FMNL2: variants seen among roughly 807,000 people sequenced by gnomAD.
FMNL2 encodes the protein formin-like protein 2.
A neutral mutation model predicts 130.2 loss-of-function variants in FMNL2; 51 were observed. The ratio of observed to expected loss-of-function variants is 0.39; its 90% CI spans 0.31 to 0.49. The LOEUF (loss-of-function observed/expected upper bound fraction) is 0.49, where lower values mean the gene tolerates loss of function less well. Among genes scored for constraint, FMNL2 ranks in the 20% least tolerant of loss-of-function variants. The pLI, the probability that FMNL2 is intolerant of heterozygous loss-of-function variation, is 0.85. For missense variants in FMNL2, 977 were observed against 1,316.2 expected (o/e 0.74, Z 3.99); for synonymous variants, 465 against 467.1 (o/e 1.00, Z 0.06).
intron 1 of FMNL2, among the ~76,000 whole-genome samples, chr2:152,386,519 T>TCAA (rs3047882): frequency 0.95 from 144,078 of 152,092 alleles, 68,405 homozygotes; most frequent in East Asian, 1. Context: ...ATTAACTCAT[T>TCAA]CAAACTCTAG....
intron 1 of FMNL2, among the ~76,000 whole-genome samples, chr2:152,431,108 A>G (rs980499822): frequency 1.3e-5 from 2 of 152,170 alleles, no homozygotes; most frequent in African/African-American, 4.8e-5. Flanking sequence ...GATCTTGAGA[A>G]TAATGGTTCT....
At chr2:152,388,407 G>A (rs73007096) in intron 1 of FMNL2, among the ~76,000 whole-genome samples, 3,998 of 152,136 alleles carry the variant, frequency 0.026, 187 homozygotes, top group African/African-American at 0.091. Context: ...TTCACGTGTC[G>A]GCAGCAAGGA....
intron 2 of FMNL2, among the ~76,000 whole-genome samples, chr2:152,527,502 G>A (rs1447118966): frequency 2.0e-5 from 3 of 152,080 alleles, no homozygotes; most frequent in Non-Finnish European, 4.4e-5. Flanking sequence ...CAGTAAACTA[G>A]TAACTAGAGC....
intron 1 of FMNL2, among the ~76,000 whole-genome samples, chr2:152,347,103 T>TAAA (rs397941066): frequency 1.3e-5 from 2 of 151,310 alleles, no homozygotes; most frequent in African/African-American, 4.9e-5. Flanking sequence ...AAAAAAAAAA[T>TAAA]TTTTTTTTCA....
At chr2:152,574,995 A>G (rs1696396114) in intron 6 of FMNL2, 141 bp from the exon 7 acceptor site, 2 of 563,652 alleles carry the variant, frequency 3.5e-6, no homozygotes, top group Admixed American at 6.1e-5. Context: ...GTTGAAATCA[A>G]TCTTACTGTT....
intron 9 of FMNL2, among the ~76,000 whole-genome samples, chr2:152,593,594 C>T (rs193210176): frequency 6.6e-6 from 1 of 152,152 alleles, no homozygotes; most frequent in Admixed American, 6.6e-5. Flanking sequence ...TAGGGTGATC[C>T]ACCGAATATG....
At chr2:152,566,638 G>T (rs1294616021) in intron 6 of FMNL2, among the ~76,000 whole-genome samples, 2 of 152,140 alleles carry the variant, frequency 1.3e-5, no homozygotes, top group Non-Finnish European at 2.9e-5. Flanking sequence ...AAGGGTTAAG[G>T]ATACAGAAAG....
At chr2:152,361,462 T>C (rs1211720472) in intron 1 of FMNL2, among the ~76,000 whole-genome samples, 1 of 152,190 alleles carries the variant, frequency 6.6e-6, no homozygotes, top group Admixed American at 6.5e-5. Context: ...TAATTATCCT[T>C]GTTTATTGTC....
intron 13 of FMNL2, 86 bp downstream of exon 13, chr2:152,617,278 T>C: frequency 8.3e-7 from 1 of 1,202,990 alleles, no homozygotes; most frequent in Non-Finnish European, 1.2e-6. Context: ...AGTACCTTCA[T>C]TTCAGAGGAA....
At chr2:152,640,957 G>A in intron 25 of FMNL2, 43 bp downstream of exon 25, 1 of 1,610,100 alleles carries the variant, frequency 6.2e-7, no homozygotes, top group Non-Finnish European at 8.5e-7. Flanking sequence ...GATCCCACTG[G>A]CCTCACCTAG....
chr2:152,396,137 C>A (rs1220547693), intron 1 of FMNL2, among the ~76,000 whole-genome samples: 1 of 152,180 alleles, frequency 6.6e-6, no homozygotes, highest in Non-Finnish European at 1.5e-5. Flanking sequence ...ACATCCCTCC[C>A]CCTCTCCTTT....
At chr2:152,584,365 G>A (rs1696949205) in intron 9 of FMNL2, among the ~76,000 whole-genome samples, 1 of 152,112 alleles carries the variant, frequency 6.6e-6, no homozygotes. Context: ...CGAGAAGATT[G>A]TTTTTAAAGC....
At chr2:152,402,395 C>G (rs991935633) in intron 1 of FMNL2, among the ~76,000 whole-genome samples, 1 of 152,132 alleles carries the variant, frequency 6.6e-6, no homozygotes, top group Non-Finnish European at 1.5e-5. Flanking sequence ...GGATCCTTTC[C>G]CTCTTGGAAA....
chr2:152,342,598 C>G (rs1025863912), intron 1 of FMNL2, among the ~76,000 whole-genome samples: 3 of 152,210 alleles, frequency 2.0e-5, no homozygotes, highest in South Asian at 2.1e-4. Flanking sequence ...TGCTTGTCTT[C>G]CCTTTAGAAT....
chr2:152,360,176 G>C (rs1265627412), intron 1 of FMNL2, among the ~76,000 whole-genome samples: 1 of 152,194 alleles, frequency 6.6e-6, no homozygotes, highest in African/African-American at 2.4e-5. Flanking sequence ...CCGCATCTTT[G>C]CTCTTCAGAT....
intron 1 of FMNL2, among the ~76,000 whole-genome samples, chr2:152,509,763 T>TTTTTTTTTTGGG (rs1198654296): frequency 6.9e-6 from 1 of 144,652 alleles, no homozygotes; most frequent in African/African-American, 2.6e-5. Context: ...TTTTTTTTTT[T>TTTTTTTTTTGGG]GAGAGAGGGT....
At chr2:152,431,153 A>G (rs1032462501) in intron 1 of FMNL2, among the ~76,000 whole-genome samples, 13 of 152,146 alleles carry the variant, frequency 8.5e-5, no homozygotes, top group Admixed American at 2.0e-4. Context: ...TTCTCACACA[A>G]AGGAAAAAAG....
At chr2:152,591,253 C>T (rs1012631579) in intron 9 of FMNL2, among the ~76,000 whole-genome samples, 4 of 151,940 alleles carry the variant, frequency 2.6e-5, no homozygotes, top group African/African-American at 9.7e-5. Flanking sequence ...TCGTGATCCG[C>T]CCACCTTGGC....
At chr2:152,592,418 T>TG (rs1448754875) in intron 9 of FMNL2, among the ~76,000 whole-genome samples, 4 of 152,250 alleles carry the variant, frequency 2.6e-5, no homozygotes, top group East Asian at 3.9e-4. Flanking sequence ...TTTATTGATG[T>TG]GGGGGTCTCT....
Sources: gnomAD v4.1 joint callset for allele counts (sites outside exome capture counted in the v4.1 genomes callset) on GRCh38, gnomAD v4.1.1 for gene constraint, MANE v1.5 for transcripts, NCBI Gene and HGNC (gene_info 2026-07-23, HGNC 2026-07-21) for gene names.